The following TSNARE1 variants were observed in gnomAD, a reference collection of about 807,000 sequenced individuals.
The protein encoded by TSNARE1 is t-SNARE domain containing 1, also known as t-SNARE domain-containing protein 1.
Under a neutral mutation model 62.0 loss-of-function variants are expected in TSNARE1, and 49 were observed. The observed-to-expected ratio is 0.79, with a 90% CI of 0.63 to 1.00. The LOEUF is 1.00. Ranked by LOEUF, TSNARE1 falls within the 50% of genes least tolerant of loss-of-function variation. The probability of loss-of-function intolerance (pLI) is 0.00; values close to 1 mark genes in which losing one functional copy is unlikely to be tolerated. For missense variants in TSNARE1, 755 were observed against 700.1 expected, an observed-to-expected ratio of 1.08 and a Z score of -0.88; for synonymous variants, 328 against 294.4, an observed-to-expected ratio of 1.11 and a Z score of -1.17.
At chr8:142,277,347 A>G in intron 11 of TSNARE1, 1 of 985,332 alleles carries the variant, frequency 1.0e-6, no homozygotes, top group Non-Finnish European at 1.2e-6. Flanking sequence ...CCTCAAAGGA[A>G]ACTGCCTGCC....
intron 1 of TSNARE1, among the ~76,000 whole-genome samples, chr8:142,363,485 C>A (rs1375916398): frequency 6.6e-6 from 1 of 152,176 alleles, no homozygotes; most frequent in Admixed American, 6.5e-5. Context: ...TGCACCCATT[C>A]CCTAGGCCAC....
chr8:142,228,810 T>C (rs1816954998), intron 13 of TSNARE1, among the ~76,000 whole-genome samples: 2 of 152,124 alleles, frequency 1.3e-5, no homozygotes, highest in East Asian at 1.9e-4. Context: ...GATGGAAAGA[T>C]GGATGATGGG....
chr8:142,253,321 G>A (rs1221443332), intron 12 of TSNARE1, among the ~76,000 whole-genome samples: 2 of 152,212 alleles, frequency 1.3e-5, no homozygotes, highest in African/African-American at 2.4e-5. Context: ...CGTGCGTGCC[G>A]CGTCTGCACA....
intron 9 of TSNARE1, among the ~76,000 whole-genome samples, chr8:142,310,922 T>A (rs1452764849): frequency 6.6e-6 from 1 of 152,208 alleles, no homozygotes; most frequent in Non-Finnish European, 1.5e-5. Flanking sequence ...TGCTCTCAGC[T>A]CACTGCAACC....
At chr8:142,214,983 C>T (rs1413877172) in intron 13 of TSNARE1, among the ~76,000 whole-genome samples, 3 of 152,218 alleles carry the variant, frequency 2.0e-5, no homozygotes, top group Non-Finnish European at 1.5e-5. Context: ...AGGGCTCCCT[C>T]CCCCAGCGCT....
At chr8:142,248,741 C>T (rs962993136) in intron 12 of TSNARE1, among the ~76,000 whole-genome samples, 1 of 152,184 alleles carries the variant, frequency 6.6e-6, no homozygotes, top group Admixed American at 6.5e-5. Context: ...TGGGCTCAGA[C>T]AGTGTCTGCC....
chr8:142,272,826 CG>C (rs766049434), intron 12 of TSNARE1: 92 of 983,092 alleles, frequency 9.4e-5, no homozygotes, highest in Non-Finnish European at 1.0e-4. Context: ...CCCTCGCAGG[CG>C]GGAACAGGAC....
At chr8:142,260,523 G>A (rs537601885) in intron 12 of TSNARE1, among the ~76,000 whole-genome samples, 1 of 152,284 alleles carries the variant, frequency 6.6e-6, no homozygotes, top group South Asian at 2.1e-4. Flanking sequence ...CTTGCCCTTT[G>A]TTGGCCTTGG....
intron 12 of TSNARE1, among the ~76,000 whole-genome samples, chr8:142,249,225 G>A (rs1818033232): frequency 6.6e-6 from 1 of 152,236 alleles, no homozygotes; most frequent in Non-Finnish European, 1.5e-5. Context: ...ACAAACCCCA[G>A]GGACGTCATC....
intron 11 of TSNARE1, among the ~76,000 whole-genome samples, chr8:142,281,426 G>A (rs917206051): frequency 1.3e-5 from 2 of 151,996 alleles, no homozygotes; most frequent in South Asian, 2.1e-4. Context: ...CCTGTGGGAG[G>A]GGGGCAAGGT....
chr8:142,303,426 C>G (rs945002568), intron 9 of TSNARE1, among the ~76,000 whole-genome samples: 28 of 152,226 alleles, frequency 1.8e-4, no homozygotes, highest in African/African-American at 6.3e-4. Flanking sequence ...GCCCGAGAAC[C>G]CTCTCTTGGC....
chr8:142,227,457 A>C (rs1250695221), intron 13 of TSNARE1, among the ~76,000 whole-genome samples: 1 of 140,622 alleles, frequency 7.1e-6, no homozygotes, highest in Non-Finnish European at 1.6e-5. Flanking sequence ...CCTCCACTGC[A>C]CCCACAACCA....
intron 1 of TSNARE1, among the ~76,000 whole-genome samples, chr8:142,383,277 C>T (rs1252975873): frequency 3.3e-5 from 5 of 152,186 alleles, no homozygotes; most frequent in Admixed American, 3.3e-4. Flanking sequence ...TGGAGAAAGA[C>T]AGGCCAGGGC....
At position 142,291,896 on chromosome 8, in the gene TSNARE1, G is replaced by A. The variant is rs1194117505; in HGVS notation, c.1291-7411C>T. ...GTGAGGTGTGGGGTGAGGAATGAGG[G>A]AGAGGACAGTCCATTGGGAGTACGG... On this transcript the variant is annotated intron_variant, in intron 10 of 13. Coordinates refer to ENST00000524325, the MANE Select transcript of TSNARE1 (RefSeq NM_145003.5). This position sits in a 1 kb window ranked among gnomAD's most constrained non-coding sequence, Gnocchi z 4.8. Among the ~76,000 whole-genome samples the A allele has an allele frequency of 6.6e-6, 1 of 152,072 alleles. No homozygotes were observed. The highest frequency in any genetic ancestry group is 1.5e-5 in the Non-Finnish European group (1 of 67,996).
chr8:142,378,631 C>T (rs1564002479), intron 1 of TSNARE1, among the ~76,000 whole-genome samples: 1 of 152,314 alleles, frequency 6.6e-6, no homozygotes, highest in South Asian at 2.1e-4. Context: ...CAAAGCACCA[C>T]GTGTCATCCA....
At chr8:142,381,150 G>A (rs1430720711) in intron 1 of TSNARE1, among the ~76,000 whole-genome samples, 1 of 152,240 alleles carries the variant, frequency 6.6e-6, no homozygotes, top group East Asian at 1.9e-4. Context: ...ATCAGTGCCA[G>A]AAGCTGCTCC....
chr8:142,262,608 TC>T (rs1446115145), intron 12 of TSNARE1, among the ~76,000 whole-genome samples: 2 of 152,026 alleles, frequency 1.3e-5, no homozygotes, highest in Non-Finnish European at 2.9e-5. Context: ...TTTAATGCCA[TC>T]CCCCTAGTGC....
chr8:142,223,317 C>T (rs1027731289), intron 13 of TSNARE1, among the ~76,000 whole-genome samples: 79 of 143,144 alleles, frequency 5.5e-4, no homozygotes, highest in Middle Eastern at 3.8e-3. Flanking sequence ...CATTCACTCA[C>T]TCATTCACTC....
At chr8:142,302,523 A>C (rs1031304320) in intron 9 of TSNARE1, among the ~76,000 whole-genome samples, 1 of 152,076 alleles carries the variant, frequency 6.6e-6, no homozygotes, top group East Asian at 1.9e-4. Context: ...CACCATAGCC[A>C]GGGACTCAGC....
Sources: allele counts gnomAD v4.1 joint callset (sites outside exome capture counted in the v4.1 genomes callset), GRCh38; gene constraint gnomAD v4.1.1; non-coding constraint Gnocchi (gnomAD v3.1); transcripts MANE v1.5; gene names NCBI Gene and HGNC (gene_info 2026-07-23, HGNC 2026-07-21).